Variants in THSD7A observed in about 807,000 individuals in gnomAD.
The protein encoded by THSD7A is thrombospondin type 1 domain containing 7A, also known as thrombospondin type-1 domain-containing protein 7A.
In THSD7A, 96 loss-of-function variants were observed where a neutral mutation model predicts 231.3. The observed-to-expected ratio is 0.41, with a 90% CI of 0.35 to 0.49. The LOEUF is 0.49. Among genes scored for constraint, THSD7A ranks in the 20% least tolerant of loss-of-function variants. The probability of loss-of-function intolerance (pLI) is 0.05; values close to 1 mark genes in which losing one functional copy is unlikely to be tolerated. For synonymous variants in THSD7A, 940 were observed against 743.3 expected (o/e 1.26, Z -4.30); for missense variants, 2,290 against 2,070.2 (o/e 1.11, Z -2.06).
intron 7 of THSD7A, among the ~76,000 whole-genome samples, chr7:11,479,012 G>A: frequency 6.6e-6 from 1 of 152,196 alleles, no homozygotes; most frequent in East Asian, 1.9e-4. Flanking sequence ...TCGACAGATA[G>A]ATTCTCCAAG....
rs563384068 is a variant in THSD7A, at chr7:11,531,380, T to G, written c.1822+10039A>C. ...TGGTCATTTGTTTCAAACCCTTCAA[T>G]AGATTCCCATCTTAGTCAGAATAAA... On this transcript the variant is annotated intron_variant, in intron 6 of 27. Coordinates refer to ENST00000423059, the MANE Select transcript of THSD7A (RefSeq NM_015204.3). 3.0e-4 allele frequency among the ~76,000 whole-genome samples: 46 copies of G among 152,268 alleles called. No homozygotes were observed. The South Asian group carries it at 9.1e-3, about 30-fold the overall frequency.
chr7:11,676,342 A>G (rs1268824998), intron 1 of THSD7A, among the ~76,000 whole-genome samples: 1 of 152,180 alleles, frequency 6.6e-6, no homozygotes, highest in Non-Finnish European at 1.5e-5. Context: ...AATGCCAACA[A>G]CAAGAATGCC....
chr7:11,417,217 G>T (rs1412295662), intron 17 of THSD7A, among the ~76,000 whole-genome samples: 1 of 152,150 alleles, frequency 6.6e-6, no homozygotes, highest in Admixed American at 6.5e-5. Context: ...AGGATGATGG[G>T]TTAGTAAAGC....
At chr7:11,582,365 A>G (rs1163145107) in intron 4 of THSD7A, among the ~76,000 whole-genome samples, 1 of 152,074 alleles carries the variant, frequency 6.6e-6, no homozygotes, top group Non-Finnish European at 1.5e-5. Flanking sequence ...TTAGTAAAAT[A>G]GAAGGGTGTT....
chr7:11,561,926 G>A (rs1583978000), intron 4 of THSD7A, among the ~76,000 whole-genome samples: 1 of 152,258 alleles, frequency 6.6e-6, no homozygotes, highest in Non-Finnish European at 1.5e-5. Flanking sequence ...CAGTTAATTA[G>A]CAACAGTTCA....
At chr7:11,753,698 T>C (rs1026396516) in intron 1 of THSD7A, among the ~76,000 whole-genome samples, 2 of 151,894 alleles carry the variant, frequency 1.3e-5, no homozygotes, top group South Asian at 2.1e-4. Context: ...ACCATACATA[T>C]GAAAAACACT....
At chr7:11,704,232 T>C (rs1193260018) in intron 1 of THSD7A, among the ~76,000 whole-genome samples, 1 of 151,042 alleles carries the variant, frequency 6.6e-6, no homozygotes, top group Non-Finnish European at 1.5e-5. Flanking sequence ...ATTACTCCTA[T>C]TACAAGGCTG....
rs1781769244 is a variant in THSD7A at position 11,634,623 on chromosome 7, A to T, written c.1022+1507T>A. On this transcript the variant is annotated intron_variant, in intron 2 of 27. Transcript: ENST00000423059. This position sits in a 1 kb window ranked among gnomAD's most constrained non-coding sequence, Gnocchi z 4.1. ...CACACACACACACATACACACACAC[A>T]CATTTAAGGAGTTGTAGGAAACCTG... Among the ~76,000 whole-genome samples the T allele has an allele frequency of 6.6e-6, 1 of 152,100 alleles. No homozygotes were observed. Among genetic ancestry groups the T allele is most frequent in the African/African-American group, 2.4e-5 (1 of 41,416 alleles).
intron 1 of THSD7A, among the ~76,000 whole-genome samples, chr7:11,788,925 G>C (rs1454016944): frequency 6.6e-6 from 1 of 151,746 alleles, no homozygotes; most frequent in East Asian, 1.9e-4. Context: ...TTCTAGTGAG[G>C]GAAATCAGAC....
At chr7:11,751,860 T>A (rs1187976464) in intron 1 of THSD7A, among the ~76,000 whole-genome samples, 1 of 152,060 alleles carries the variant, frequency 6.6e-6, no homozygotes, top group African/African-American at 2.4e-5. Context: ...GTCGGGACTG[T>A]CCCTTACTGA....
Position 11,474,606 on chromosome 7 carries a change from G to A in THSD7A, c.2018-38C>T, listed in dbSNP as rs542921469. On this transcript the variant is annotated intron_variant, in intron 7 of 27. Coordinates refer to ENST00000423059, the MANE Select transcript of THSD7A (RefSeq NM_015204.3). This position sits in a 1 kb window ranked among gnomAD's most constrained non-coding sequence, Gnocchi z 4.1. ...ACAATGATAGCAAATTAGATACGGT[G>A]CCAACAGGAACCTTACCATACTCTG... 5 of 1,516,058 alleles carry A rather than the reference G, an allele frequency of 3.3e-6. No homozygotes were observed. The African/African-American group carries it at 5.5e-5, about 17-fold the overall frequency. The allele number at this position is 1,516,058 out of a possible 1,614,324, so 93.9% of individuals were successfully genotyped here.
intron 6 of THSD7A, among the ~76,000 whole-genome samples, chr7:11,537,035 C>A (rs1027812925): frequency 2.7e-5 from 4 of 150,700 alleles, no homozygotes; most frequent in African/African-American, 9.9e-5. Context: ...GAGTCCTATT[C>A]TCCAGTGGTA....
chr7:11,572,355 C>T (rs1454218087), intron 4 of THSD7A, among the ~76,000 whole-genome samples: 1 of 152,188 alleles, frequency 6.6e-6, no homozygotes, highest in African/African-American at 2.4e-5. Context: ...CTTCCTTTTG[C>T]AATCCTCAAT....
chr7:11,819,974 A>G (rs950837715), intron 1 of THSD7A, among the ~76,000 whole-genome samples: 2 of 152,154 alleles, frequency 1.3e-5, no homozygotes, highest in African/African-American at 4.8e-5. Context: ...ACTGCACCAA[A>G]AAGTCTATTA....
chr7:11,393,105 A>T (rs1387921505), intron 23 of THSD7A, among the ~76,000 whole-genome samples: 1 of 152,218 alleles, frequency 6.6e-6, no homozygotes, highest in Non-Finnish European at 1.5e-5. Context: ...GATACCTCTC[A>T]GCAGGGGTTG....
At chr7:11,580,881 A>G (rs1372059749) in intron 4 of THSD7A, among the ~76,000 whole-genome samples, 1 of 152,178 alleles carries the variant, frequency 6.6e-6, no homozygotes, top group Non-Finnish European at 1.5e-5. Flanking sequence ...TGTATCCCTG[A>G]ACTTAAAATA....
intron 1 of THSD7A, among the ~76,000 whole-genome samples, chr7:11,653,069 T>C (rs758480877): frequency 7.9e-5 from 12 of 152,102 alleles, no homozygotes; most frequent in East Asian, 1.9e-4. Context: ...ACTTATTCTA[T>C]AGAAGACACT....
intron 6 of THSD7A, among the ~76,000 whole-genome samples, chr7:11,501,177 T>C (rs888697501): frequency 5.3e-5 from 8 of 152,092 alleles, no homozygotes; most frequent in East Asian, 3.9e-4. Context: ...CACACAATAA[T>C]AGTGGGAGAC....
At position 11,411,452 on chromosome 7, in the gene THSD7A, T is replaced by G; in HGVS notation, c.3683-130A>C. 1.5e-6 allele frequency: 1 copy of G among 646,378 alleles called. No individual in the cohort carries two copies. The highest frequency in any genetic ancestry group is 2.7e-6 in the Non-Finnish European group (1 of 371,692). The allele number at this position is 646,378 out of a possible 1,614,324, so 40.0% of individuals were successfully genotyped here. ...AAGCCCCATAATCAATCATCCCCCA[T>G]GCAGAGCATATGGGTCCCAGCTTTG... On this transcript the variant is annotated intron_variant, in intron 18 of 27. Coordinates refer to ENST00000423059, the MANE Select transcript of THSD7A (RefSeq NM_015204.3). This position sits in a 1 kb window ranked among gnomAD's most constrained non-coding sequence, Gnocchi z 4.1.
Sources: gnomAD v4.1 joint callset for allele counts (sites outside exome capture counted in the v4.1 genomes callset) on GRCh38, gnomAD v4.1.1 for gene constraint, Gnocchi (gnomAD v3.1) non-coding constraint, MANE v1.5 for transcripts, NCBI Gene and HGNC (gene_info 2026-07-23, HGNC 2026-07-21) for gene names.